RAB31: variants seen among roughly 807,000 people sequenced by gnomAD.
The protein encoded by RAB31 is ras-related protein Rab-31.
RAB31 carries 21 observed loss-of-function variants against 25.6 expected under a neutral mutation model. The observed-to-expected ratio is 0.82, with a 90% confidence interval of 0.58 to 1.18. The LOEUF (loss-of-function observed/expected upper bound fraction) is 1.18. Ranked by LOEUF, RAB31 falls within the 50% of genes most tolerant of loss-of-function variation. The probability of loss-of-function intolerance (pLI) is 0.00; values close to 1 mark genes in which losing one functional copy is unlikely to be tolerated. For missense variants in RAB31, 196 were observed against 250.1 expected (o/e 0.78, Z 1.46); for synonymous variants, 87 against 84.0 (o/e 1.04, Z -0.20).
chr18:9,717,352 A>G (rs1472764237), intron 1 of RAB31, among the ~76,000 whole-genome samples: 2 of 152,138 alleles, frequency 1.3e-5, no homozygotes, highest in African/African-American at 4.8e-5. Context: ...CACCATATTT[A>G]ACCCAGAAGA....
chr18:9,792,227 C>A lies in RAB31; in HGVS notation c.193C>A (p.Gln65Lys). 2 of 1,611,556 alleles carry A rather than the reference C, an allele frequency of 1.2e-6. No homozygotes were observed. The highest frequency in any genetic ancestry group is 2.2e-5 in the South Asian group (2 of 90,292). ...GTTCCTCATCTGGGACACTGCTGGT[C>A]AGGAACGGGTGAGTATATGCTGTTT... ...HKFLIWDTAG[Q>K]ERFHSLAPMY... Residue 65 changes from glutamine (Q) to lysine (K), a missense_variant, in exon 3 of 7, where the codon CAG becomes AAG. Coordinates refer to ENST00000578921, the MANE Select transcript of RAB31 (RefSeq NM_006868.4).
chr18:9,846,855 T>C (rs2068764581), intron 6 of RAB31, among the ~76,000 whole-genome samples: 1 of 152,242 alleles, frequency 6.6e-6, no homozygotes, highest in Non-Finnish European at 1.5e-5. Context: ...TGCAGAGATA[T>C]GCAAAAGAAA....
chr18:9,720,476 A>C (rs540075268), intron 1 of RAB31, among the ~76,000 whole-genome samples: 1 of 151,910 alleles, frequency 6.6e-6, no homozygotes, highest in Non-Finnish European at 1.5e-5. Context: ...GACCAGGGAG[A>C]GCGTGTGGTG....
At chr18:9,854,178 T>C (rs1174173317) in intron 6 of RAB31, among the ~76,000 whole-genome samples, 1 of 152,064 alleles carries the variant, frequency 6.6e-6, no homozygotes, top group Non-Finnish European at 1.5e-5. Flanking sequence ...CCTCCCTGTG[T>C]CCATGTGTTC....
rs551691337 is a variant in RAB31, at chr18:9,782,224, C to T, written c.119+6867C>T. ...GCCTGGTCCCTAGACATTTCAGTTC[C>T]TGGCCCTGGCACTGCCTTCTTGGCG... On this transcript the variant is annotated intron_variant, in intron 2 of 6. Coordinates refer to ENST00000578921, the MANE Select transcript of RAB31 (RefSeq NM_006868.4). 2.0e-5 allele frequency among the ~76,000 whole-genome samples: 3 copies of T among 152,342 alleles called. No homozygotes were observed. The South Asian group carries it at 6.2e-4, about 32-fold the overall frequency.
rs572252455 is a variant in RAB31 at position 9,794,938 on chromosome 18, A to G, written c.201+2703A>G. On this transcript the variant is annotated intron_variant, in intron 3 of 6. Coordinates refer to ENST00000578921, the MANE Select transcript of RAB31 (RefSeq NM_006868.4). Reference sequence around the variant, plus strand: ...AAAAAGAGCCTCCATAGCCAAAGCAAGACTAAGCAAAAAGAACAAATCTGG... The same window carrying G: ...AAAAAGAGCCTCCATAGCCAAAGCAGGACTAAGCAAAAAGAACAAATCTGG... Among the ~76,000 whole-genome samples the G allele has an allele frequency of 1.3e-3, 201 of 152,344 alleles. 2 individuals carry two copies. Among genetic ancestry groups the G allele is most frequent in the African/African-American group, 4.5e-3 (187 of 41,588 alleles).
chr18:9,818,334 C>G (rs975929552), intron 5 of RAB31, among the ~76,000 whole-genome samples: 2 of 152,182 alleles, frequency 1.3e-5, no homozygotes, highest in Non-Finnish European at 2.9e-5. Context: ...ATTTCTATCA[C>G]TCTGTGAAGA....
chr18:9,788,096 T>C (rs2068442817), intron 2 of RAB31, among the ~76,000 whole-genome samples: 1 of 152,266 alleles, frequency 6.6e-6, no homozygotes. Context: ...TTGAAGATTC[T>C]TGAAAAGGCT....
At chr18:9,821,917 T>C (rs2068626191) in intron 5 of RAB31, among the ~76,000 whole-genome samples, 1 of 152,168 alleles carries the variant, frequency 6.6e-6, no homozygotes, top group African/African-American at 2.4e-5. Flanking sequence ...AATGAAATTT[T>C]TGTCAAATCT....
At chr18:9,748,215 G>T (rs914341556) in intron 1 of RAB31, among the ~76,000 whole-genome samples, 2 of 152,196 alleles carry the variant, frequency 1.3e-5, no homozygotes, top group African/African-American at 2.4e-5. Context: ...CATTATATTT[G>T]TCTGGGTGCA....
intron 2 of RAB31, among the ~76,000 whole-genome samples, chr18:9,784,500 C>T (rs926817344): frequency 1.3e-5 from 2 of 151,652 alleles, no homozygotes; most frequent in African/African-American, 2.4e-5. Context: ...GTATGATCTT[C>T]AGTCATTTTA....
In RAB31 at chr18:9,826,380, TACAA is replaced by T. The variant is rs201178365; in HGVS notation, c.380+11176_380+11179del. Among the ~76,000 whole-genome samples the T allele has an allele frequency of 9.3e-3, 1,408 of 151,842 alleles. 15 individuals are homozygous for T. The highest frequency in any genetic ancestry group is 0.032 in the African/African-American group (1,331 of 41,414). ...GACAGAGCGAGACATTGTCTCAAAA[TACAA>T]ACAAACAAACAAACAAAAAAGTTGA... is the stretch of plus-strand genomic sequence containing the variant. On this transcript the variant is annotated intron_variant, in intron 5 of 6. Coordinates refer to ENST00000578921, the MANE Select transcript of RAB31 (RefSeq NM_006868.4).
chr18:9,795,612 T>C (rs1206163388), intron 3 of RAB31, among the ~76,000 whole-genome samples: 1 of 152,152 alleles, frequency 6.6e-6, no homozygotes, highest in African/African-American at 2.4e-5. Context: ...TTTATACAAA[T>C]GGCCAATGAT....
intron 1 of RAB31, among the ~76,000 whole-genome samples, chr18:9,739,020 G>C (rs1209444101): frequency 1.3e-5 from 2 of 152,218 alleles, no homozygotes; most frequent in Admixed American, 6.5e-5. Flanking sequence ...TGTTGTGAGA[G>C]TAGACTAGGA....
chr18:9,852,922 A>G (rs1349651504), intron 6 of RAB31, among the ~76,000 whole-genome samples: 1 of 152,180 alleles, frequency 6.6e-6, no homozygotes, highest in Non-Finnish European at 1.5e-5. Context: ...AATATTAACC[A>G]TTCGAAAGGA....
intron 5 of RAB31, among the ~76,000 whole-genome samples, chr18:9,835,512 G>T (rs779617264): frequency 2.6e-5 from 4 of 152,170 alleles, no homozygotes; most frequent in Non-Finnish European, 5.9e-5. Context: ...AATCTGTGGC[G>T]AGAACCTGAC....
At chr18:9,786,259 T>A (rs1202962003) in intron 2 of RAB31, among the ~76,000 whole-genome samples, 1 of 152,056 alleles carries the variant, frequency 6.6e-6, no homozygotes, top group Non-Finnish European at 1.5e-5. Flanking sequence ...GAGAGCTGAG[T>A]TTCCTGGAAA....
chr18:9,857,993 G>A (rs2068827784), intron 6 of RAB31, among the ~76,000 whole-genome samples: 1 of 152,140 alleles, frequency 6.6e-6, no homozygotes, highest in Non-Finnish European at 1.5e-5. Flanking sequence ...TCAAGCCACT[G>A]CACTTCAGCC....
intron 5 of RAB31, among the ~76,000 whole-genome samples, chr18:9,825,889 T>A (rs1457864277): frequency 6.6e-6 from 1 of 152,116 alleles, no homozygotes; most frequent in Non-Finnish European, 1.5e-5. Flanking sequence ...AAGTAAGCAT[T>A]GGGCACTCAC....
Sources: gnomAD v4.1 joint callset for allele counts (sites outside exome capture counted in the v4.1 genomes callset) on GRCh38, gnomAD v4.1.1 for gene constraint, MANE v1.5 for transcripts, NCBI Gene and HGNC (gene_info 2026-07-23, HGNC 2026-07-21) for gene names.